Variants in MORN1 observed in about 807,000 individuals in gnomAD.
The protein encoded by MORN1 is MORN repeat containing 1, also known as MORN repeat-containing protein 1.
A neutral mutation model predicts 61.9 loss-of-function variants in MORN1; 67 were observed. That is an observed-to-expected ratio of 1.08 (90% CI 0.89 to 1.33). The LOEUF (loss-of-function observed/expected upper bound fraction) is 1.33. Among genes scored for constraint, MORN1 ranks in the 40% most tolerant of loss-of-function variants. The pLI is 0.00. For missense variants in MORN1, 752 were observed against 691.2 expected, an observed-to-expected ratio of 1.09 and a Z score of -0.99; for synonymous variants, 301 against 292.0, an observed-to-expected ratio of 1.03 and a Z score of -0.31.
In MORN1 at chr1:2,334,657, G is replaced by A. The variant is rs1223375396; in HGVS notation, c.1250+1812C>T. On this transcript the variant is annotated intron_variant, in intron 12 of 13. Coordinates refer to ENST00000378531, the MANE Select transcript of MORN1 (RefSeq NM_024848.3). This position sits in a 1 kb window ranked among gnomAD's most constrained non-coding sequence, Gnocchi z 5.4. ...TCACAGATGTGTGCCCCGAAGAGAC[G>A]ACATCATTTGAACACTGAACACTCC... Among the ~76,000 whole-genome samples, 1 of 152,310 alleles carries A rather than the reference G, an allele frequency of 6.6e-6. No individual in the cohort carries two copies. Among genetic ancestry groups the A allele is most frequent in the South Asian group, 2.1e-4 (1 of 4,834 alleles).
In MORN1 at chr1:2,337,501, C is replaced by T. The variant is rs772768535; in HGVS notation, c.1037-651G>A. On this transcript the variant is annotated intron_variant, in intron 10 of 13. Transcript: ENST00000378531. This position sits in a 1 kb window ranked among gnomAD's most constrained non-coding sequence, Gnocchi z 5.7. ...CTTTTTCCAGCCCCTCTCCCGGGGTCCCAGGGTGCGAGGTATGGGGGCTCC... is the reference window on the plus strand; with the variant it reads ...CTTTTTCCAGCCCCTCTCCCGGGGTTCCAGGGTGCGAGGTATGGGGGCTCC... Among the ~76,000 whole-genome samples, 1 of 152,208 alleles carries T rather than the reference C, an allele frequency of 6.6e-6. No individual in the cohort carries two copies. The highest frequency in any genetic ancestry group is 2.4e-5 in the African/African-American group (1 of 41,448).
intron 12 of MORN1, among the ~76,000 whole-genome samples, chr1:2,324,496 G>A (rs376246215): frequency 6.6e-6 from 1 of 152,218 alleles, no homozygotes; most frequent in Admixed American, 6.5e-5. Context: ...CGGAGGGCGG[G>A]AAAGACCCTG....
At position 2,347,937 on chromosome 1, in the gene MORN1, C is replaced by T. The variant is rs138532415; in HGVS notation, c.1036+9495G>A. Among the ~76,000 whole-genome samples the T allele has an allele frequency of 2.6e-3, 395 of 152,362 alleles. 1 individual carries two copies. The highest frequency in any genetic ancestry group is 4.2e-3 in the Admixed American group (65 of 15,308). ...GAATTTGCTCCTCACTCCACATCCTCGAGTGCATTTTACAAACCGGGAAGT... is the reference window on the plus strand; with the variant it reads ...GAATTTGCTCCTCACTCCACATCCTTGAGTGCATTTTACAAACCGGGAAGT... On this transcript the variant is annotated intron_variant, in intron 10 of 13. Coordinates refer to ENST00000378531, the MANE Select transcript of MORN1 (RefSeq NM_024848.3).
chr1:2,354,460 C>T (rs974110473), intron 10 of MORN1, among the ~76,000 whole-genome samples: 5 of 152,052 alleles, frequency 3.3e-5, no homozygotes, highest in African/African-American at 9.7e-5. Context: ...CCAGCTACTC[C>T]GGAGGCTGAG....
intron 7 of MORN1, among the ~76,000 whole-genome samples, chr1:2,373,029 G>A (rs965050534): frequency 2.6e-5 from 4 of 152,238 alleles, no homozygotes; most frequent in Non-Finnish European, 5.9e-5. Flanking sequence ...TGGGTCCACC[G>A]GCTGGCCAGT....
At chr1:2,326,509 G>A (rs1641029341) in intron 12 of MORN1, 1 of 152,228 alleles carries the variant, frequency 6.6e-6, no homozygotes, top group Non-Finnish European at 1.5e-5. Flanking sequence ...CACAGACGGC[G>A]AGCAGGCCCG....
intron 10 of MORN1, among the ~76,000 whole-genome samples, chr1:2,343,533 G>T (rs1641446765): frequency 6.6e-6 from 1 of 152,146 alleles, no homozygotes; most frequent in African/African-American, 2.4e-5. Context: ...TGAGACTCGG[G>T]CCTGGGGGCC....
At chr1:2,342,750 C>T (rs1641421770) in intron 10 of MORN1, among the ~76,000 whole-genome samples, 1 of 152,188 alleles carries the variant, frequency 6.6e-6, no homozygotes, top group South Asian at 2.1e-4. Context: ...TGGCCTCCCT[C>T]AGCAGAGCCA....
intron 10 of MORN1, among the ~76,000 whole-genome samples, chr1:2,340,092 CG>C (rs562686058): frequency 1.8e-4 from 28 of 152,342 alleles, no homozygotes; most frequent in African/African-American, 5.3e-4. Flanking sequence ...CCGGTGTCAT[CG>C]GCTACAGATG....
chr1:2,345,682 C>T (rs1489779470), intron 10 of MORN1, among the ~76,000 whole-genome samples: 1 of 152,166 alleles, frequency 6.6e-6, no homozygotes, highest in Non-Finnish European at 1.5e-5. Flanking sequence ...GAAACTGTGC[C>T]CTGAGGGCCT....
chr1:2,388,386 G>T, intron 2 of MORN1, 49 bp from the exon 3 acceptor site: 1 of 1,463,200 alleles, frequency 6.8e-7, no homozygotes. Context: ...TGGGTTGACT[G>T]CGAATGACAC....
Position 2,336,864 on chromosome 1 carries a change from A to C in MORN1, c.1037-14T>G. 1 of 1,548,920 alleles carries C rather than the reference A, an allele frequency of 6.5e-7. No individual in the cohort carries two copies. Among genetic ancestry groups the C allele is most frequent in the African/African-American group, 1.4e-5 (1 of 72,866 alleles). On this transcript the variant is annotated splice_polypyrimidine_tract_variant and intron_variant, in intron 10 of 13. Coordinates refer to ENST00000378531, the MANE Select transcript of MORN1 (RefSeq NM_024848.3). ...CATGTCCCCTGGCTGAGGAGACAGA[A>C]TGAAGAAAGACCCTATGAGGGGCTC...
chr1:2,365,590 C>T (rs1168277469), intron 8 of MORN1, among the ~76,000 whole-genome samples: 2 of 149,906 alleles, frequency 1.3e-5, no homozygotes, highest in African/African-American at 4.9e-5. Flanking sequence ...ACTTCCAACA[C>T]TATGTTGAAT....
At chr1:2,330,097 C>T (rs537455634) in intron 12 of MORN1, among the ~76,000 whole-genome samples, 2 of 152,360 alleles carry the variant, frequency 1.3e-5, no homozygotes, top group South Asian at 4.1e-4. Flanking sequence ...CCTTAATCTG[C>T]ACCCCTCGGC....
chr1:2,345,166 A>G (rs993575049), intron 10 of MORN1, among the ~76,000 whole-genome samples: 4 of 151,994 alleles, frequency 2.6e-5, no homozygotes, highest in Admixed American at 2.0e-4. Context: ...ACGTGTGCTC[A>G]CCTGCGCTCA....
chr1:2,349,359 C>T (rs1307944934), intron 10 of MORN1, among the ~76,000 whole-genome samples: 1 of 152,200 alleles, frequency 6.6e-6, no homozygotes, highest in African/African-American at 2.4e-5. Context: ...CCCTCAGCAC[C>T]CACAAGGCTG....
intron 10 of MORN1, among the ~76,000 whole-genome samples, chr1:2,345,829 C>CCA (rs57669691): frequency 0.018 from 2,683 of 149,076 alleles, 37 homozygotes; most frequent in Middle Eastern, 0.068. Flanking sequence ...ATGTATGCGG[C>CCA]CACACACACA....
intron 10 of MORN1, chr1:2,355,315 C>T: frequency 1.4e-6 from 2 of 1,479,138 alleles, no homozygotes. Context: ...GCTTGGCCGC[C>T]TTGGCCTCCC....
chr1:2,391,479 G>T lies in MORN1; in HGVS notation c.55C>A (p.Pro19Thr). 1 of 1,255,756 alleles carries T rather than the reference G, an allele frequency of 8.0e-7. No individual in the cohort carries two copies. Among genetic ancestry groups the T allele is most frequent in the Non-Finnish European group, 1.0e-6 (1 of 993,112 alleles). The allele number at this position is 1,255,756 out of a possible 1,614,324, so 77.8% of individuals were successfully genotyped here. A position where few individuals can be genotyped will look rare whatever the true frequency, so the allele number is the denominator to read the frequency against. The change falls in exon 1 of 14, where the codon CCT (proline) becomes ACT (threonine). Residue 19 changes from proline (P) to threonine (T), a missense_variant. Pro to Thr is a conservative substitution (Grantham distance 38, BLOSUM62 -1). Coordinates refer to ENST00000378531, the MANE Select transcript of MORN1 (RefSeq NM_024848.3). ...PSSRGPRRDP[P>T]RRPPRNGYGV... ...TTACCGTTCCGGGGCGGCCGCCTAG[G>T]CGGGTCCCGACGCGGCCCGCGGGAG...
Sources: allele counts gnomAD v4.1 joint callset (sites outside exome capture counted in the v4.1 genomes callset), GRCh38; gene constraint gnomAD v4.1.1; non-coding constraint Gnocchi (gnomAD v3.1); transcripts MANE v1.5; gene names NCBI Gene and HGNC (gene_info 2026-07-23, HGNC 2026-07-21).